The following CCSER1 variants were observed in gnomAD, a reference collection of about 807,000 sequenced individuals.
CCSER1 encodes the protein coiled-coil serine rich protein 1.
In CCSER1, 41 loss-of-function variants were observed where a neutral mutation model predicts 82.0. The observed-to-expected ratio is 0.50, with a 90% CI of 0.39 to 0.65. The LOEUF (loss-of-function observed/expected upper bound fraction) is 0.65. Among genes scored for constraint, CCSER1 ranks in the 30% least tolerant of loss-of-function variants. The pLI is 0.00. For missense variants in CCSER1, 1,119 were observed against 1,064.2 expected, an observed-to-expected ratio of 1.05 and a Z score of -0.72; for synonymous variants, 414 against 383.9, an observed-to-expected ratio of 1.08 and a Z score of -0.92.
At chr4:90,486,080 G>T (rs1204376381) in intron 5 of CCSER1, among the ~76,000 whole-genome samples, 1 of 152,064 alleles carries the variant, frequency 6.6e-6, no homozygotes, top group Admixed American at 6.6e-5. Flanking sequence ...ACAAATCAGA[G>T]GTCCTTTATT....
intron 9 of CCSER1, among the ~76,000 whole-genome samples, chr4:90,956,797 A>G (rs1561416650): frequency 1.5e-5 from 2 of 135,180 alleles, no homozygotes; most frequent in African/African-American, 5.6e-5. Flanking sequence ...AAAAGACAGT[A>G]TTTTAACTCT....
chr4:91,288,045 T>G (rs1221450766), intron 10 of CCSER1, among the ~76,000 whole-genome samples: 1 of 54,412 alleles, frequency 1.8e-5, no homozygotes, highest in Non-Finnish European at 4.5e-5. Context: ...TATTCTAGGC[T>G]ATTGAGTTTA....
At chr4:90,217,399 A>T (rs1017506193) in intron 1 of CCSER1, among the ~76,000 whole-genome samples, 1 of 152,052 alleles carries the variant, frequency 6.6e-6, no homozygotes, top group African/African-American at 2.4e-5. Context: ...GGGTTTCATC[A>T]TGTTGGCCAG....
intron 5 of CCSER1, among the ~76,000 whole-genome samples, chr4:90,619,673 T>C (rs1166341239): frequency 2.0e-5 from 3 of 152,104 alleles, no homozygotes; most frequent in Admixed American, 2.0e-4. Context: ...AATAGCATGA[T>C]TACAGGCATA....
intron 10 of CCSER1, among the ~76,000 whole-genome samples, chr4:91,096,203 C>T (rs921137882): frequency 3.9e-5 from 6 of 152,124 alleles, no homozygotes; most frequent in African/African-American, 1.2e-4. Flanking sequence ...AGTATTGGGC[C>T]GTAAATGGGC....
chr4:90,140,641 A>C lies in CCSER1; in HGVS notation c.-42+12810A>C, dbSNP rs535712531. ...TGTCTTGTATAACTTACTTCCAATC[A>C]GGTATTTTTGGTCTACTTTTTTTTT... On this transcript the variant is annotated intron_variant, in intron 1 of 10. Transcript: ENST00000509176. 1.1e-4 allele frequency among the ~76,000 whole-genome samples: 15 copies of C among 142,360 alleles called. No individual in the cohort carries two copies. In the East Asian group the frequency reaches 3.0e-3, roughly 29 times the overall value. 93.4% of individuals were successfully genotyped at this position (142,360 alleles called of 152,430 possible).
chr4:90,166,014 C>T (rs1027195574), intron 1 of CCSER1, among the ~76,000 whole-genome samples: 4 of 151,960 alleles, frequency 2.6e-5, no homozygotes, highest in African/African-American at 9.7e-5. Flanking sequence ...CAACTATAGA[C>T]GGTCCCTAAC....
At chr4:90,430,873 T>A (rs1758180080) in intron 4 of CCSER1, among the ~76,000 whole-genome samples, 1 of 151,972 alleles carries the variant, frequency 6.6e-6, no homozygotes, top group Non-Finnish European at 1.5e-5. Flanking sequence ...AAAAGGCATA[T>A]GCTCAAATTT....
chr4:90,584,552 T>A (rs570857995), intron 5 of CCSER1, among the ~76,000 whole-genome samples: 9 of 152,324 alleles, frequency 5.9e-5, no homozygotes, highest in African/African-American at 2.2e-4. Context: ...TATGCCAGAC[T>A]TCTGATTACA....
intron 10 of CCSER1, among the ~76,000 whole-genome samples, chr4:91,296,479 A>ATATATATATATATATATATATATT (rs1744184347): frequency 9.5e-6 from 1 of 105,638 alleles, no homozygotes; most frequent in African/African-American, 4.6e-5. Flanking sequence ...ATATATATAT[A>ATATATATATATATATATATATATT]TATATATTTT....
intron 6 of CCSER1, among the ~76,000 whole-genome samples, chr4:90,628,759 C>G (rs191992586): frequency 2.0e-5 from 3 of 152,260 alleles, no homozygotes; most frequent in Admixed American, 2.0e-4. Flanking sequence ...GTTACTGAAA[C>G]AGTGAGCTAG....
intron 6 of CCSER1, among the ~76,000 whole-genome samples, chr4:90,633,286 A>G (rs1724783563): frequency 6.6e-6 from 1 of 152,120 alleles, no homozygotes; most frequent in Non-Finnish European, 1.5e-5. Flanking sequence ...AATGAGGATC[A>G]AAGTAAGTAT....
At chr4:90,500,594 G>T (rs958193504) in intron 5 of CCSER1, among the ~76,000 whole-genome samples, 42 of 152,192 alleles carry the variant, frequency 2.8e-4, no homozygotes, top group African/African-American at 9.4e-4. Context: ...TCCTCCTAAA[G>T]TGCTAGGATT....
chr4:90,752,193 G>T (rs1025653359), intron 7 of CCSER1, among the ~76,000 whole-genome samples: 2 of 152,086 alleles, frequency 1.3e-5, no homozygotes, highest in Non-Finnish European at 2.9e-5. Flanking sequence ...CCTATGAGGA[G>T]AAACAGACTC....
chr4:90,778,947 A>G (rs1022066917), intron 7 of CCSER1, among the ~76,000 whole-genome samples: 1 of 152,142 alleles, frequency 6.6e-6, no homozygotes, highest in Admixed American at 6.6e-5. Flanking sequence ...GGCCACTACT[A>G]TCATCCTAGT....
chr4:91,352,274 A>T (rs1450567295), intron 10 of CCSER1, among the ~76,000 whole-genome samples: 1 of 152,278 alleles, frequency 6.6e-6, no homozygotes, highest in Non-Finnish European at 1.5e-5. Context: ...TTTTTGAAAC[A>T]GGGTCTCACT....
intron 5 of CCSER1, among the ~76,000 whole-genome samples, chr4:90,476,328 C>T (rs534406417): frequency 6.6e-6 from 1 of 152,214 alleles, no homozygotes; most frequent in South Asian, 2.1e-4. Context: ...CTCAAATGGC[C>T]CTAGGTCCTA....
chr4:90,508,367 G>A (rs962948367), intron 5 of CCSER1, among the ~76,000 whole-genome samples: 2 of 151,622 alleles, frequency 1.3e-5, no homozygotes, highest in African/African-American at 4.9e-5. Context: ...CCTTTTTCTG[G>A]ATTTTTTTTC....
At chr4:91,363,665 G>A (rs1039443802) in intron 10 of CCSER1, among the ~76,000 whole-genome samples, 3 of 151,696 alleles carry the variant, frequency 2.0e-5, no homozygotes, top group Non-Finnish European at 3.0e-5. Flanking sequence ...AGCTTTTGGT[G>A]AACAAGTCTT....
Sources: allele counts gnomAD v4.1 joint callset (sites outside exome capture counted in the v4.1 genomes callset), GRCh38; gene constraint gnomAD v4.1.1; transcripts MANE v1.5; gene names NCBI Gene and HGNC (gene_info 2026-07-23, HGNC 2026-07-21).